The following TENM4 variants were observed in gnomAD, a reference collection of about 807,000 sequenced individuals.
The protein encoded by TENM4 is teneurin transmembrane protein 4, also known as teneurin-4.
Under a neutral mutation model 243.3 loss-of-function variants are expected in TENM4, and 82 were observed. That is an observed-to-expected ratio of 0.34 (90% CI 0.28 to 0.40). The LOEUF is 0.40. TENM4 is among the 10% of genes least tolerant of loss of function. The pLI is 1.00. For missense variants in TENM4, 3,138 were observed against 3,673.3 expected (o/e 0.85, Z 3.77); for synonymous variants, 1,412 against 1,456.3 (o/e 0.97, Z 0.69).
rs571718321 is a variant in TENM4, at chr11:79,049,440, AC to A, written c.493+15297del. On this transcript the variant is annotated intron_variant, in intron 6 of 33. Coordinates refer to ENST00000278550, the MANE Select transcript of TENM4 (RefSeq NM_001098816.3). ...TACAAGGCCGTCCTGAGAAGTATAC[AC>A]TAGGGGGATCTGCTAGGGCCGCTCA... Among the ~76,000 whole-genome samples, 175 of 152,328 alleles carry A rather than the reference AC, an allele frequency of 1.1e-3. 1 individual carries two copies. Among genetic ancestry groups the A allele is most frequent in the Non-Finnish European group, 1.2e-3 (84 of 68,044 alleles).
chr11:78,907,943 A>C (rs922545225), intron 6 of TENM4, among the ~76,000 whole-genome samples: 7 of 152,326 alleles, frequency 4.6e-5, no homozygotes, highest in Admixed American at 1.3e-4. Context: ...CTGCCAGTAA[A>C]GGTCACTTGC....
intron 4 of TENM4, among the ~76,000 whole-genome samples, chr11:79,082,328 T>C (rs1860696823): frequency 6.6e-6 from 1 of 152,138 alleles, no homozygotes; most frequent in Admixed American, 6.6e-5. Flanking sequence ...CCCAGGTTTG[T>C]GAAGGGGGCA....
At chr11:78,891,123 T>A in intron 8 of TENM4, 115 bp downstream of exon 8, 1 of 890,594 alleles carries the variant, frequency 1.1e-6, no homozygotes, top group South Asian at 1.6e-5. Context: ...GTGATGAGCA[T>A]GCCACATGGA....
At position 78,657,539 on chromosome 11, in the gene TENM4, A is replaced by T. The variant is rs1008436440; in HGVS notation, c.*519T>A. 3.1e-5 allele frequency: 8 copies of T among 260,570 alleles called. No homozygotes were observed. Among genetic ancestry groups the T allele is most frequent in the African/African-American group, 1.8e-4 (8 of 45,146 alleles). 16.1% of individuals were successfully genotyped at this position (260,570 alleles called of 1,614,324 possible). On this transcript the variant is annotated 3_prime_UTR_variant, in exon 34 of 34. Transcript: ENST00000278550. ...AAGAAATCCACCACTCTTCTGCAGG[A>T]GCCCTGCCAAGGAGCCTCAGGTCCT...
intron 6 of TENM4, among the ~76,000 whole-genome samples, chr11:78,926,271 C>T (rs1248501954): frequency 3.5e-5 from 5 of 143,020 alleles, no homozygotes; most frequent in East Asian, 2.0e-4. Flanking sequence ...GGGCAAAGAA[C>T]TGACTTTTTT....
intron 3 of TENM4, among the ~76,000 whole-genome samples, chr11:79,165,949 A>G (rs1451681175): frequency 6.6e-6 from 1 of 152,134 alleles, no homozygotes; most frequent in African/African-American, 2.4e-5. Context: ...ACTTGACTGT[A>G]AGTATTTGGC....
intron 6 of TENM4, among the ~76,000 whole-genome samples, chr11:78,985,104 G>A (rs1857888335): frequency 6.6e-6 from 1 of 152,168 alleles, no homozygotes; most frequent in East Asian, 1.9e-4. Context: ...TGCCTCACAA[G>A]GCTGTTTGTG....
intron 2 of TENM4, among the ~76,000 whole-genome samples, chr11:79,238,169 A>C (rs1250813878): frequency 6.6e-6 from 1 of 152,080 alleles, no homozygotes; most frequent in South Asian, 2.1e-4. Context: ...GTATTTCTCT[A>C]TTTACCTGTA....
At chr11:78,810,924 C>T (rs796511551) in intron 14 of TENM4, among the ~76,000 whole-genome samples, 1 of 152,282 alleles carries the variant, frequency 6.6e-6, no homozygotes, top group African/African-American at 2.4e-5. Flanking sequence ...CAGCATCATC[C>T]GTCAGTTTCA....
intron 14 of TENM4, among the ~76,000 whole-genome samples, chr11:78,811,682 T>C (rs903732057): frequency 1.3e-5 from 2 of 152,110 alleles, no homozygotes; most frequent in African/African-American, 2.4e-5. Flanking sequence ...AATGAGCAGA[T>C]GAGCCTAGAG....
At chr11:78,731,671 T>C (rs932922551) in intron 21 of TENM4, among the ~76,000 whole-genome samples, 3 of 152,196 alleles carry the variant, frequency 2.0e-5, no homozygotes, top group Non-Finnish European at 4.4e-5. Flanking sequence ...TAGGTGAAAA[T>C]ATCTATCTTG....
intron 9 of TENM4, among the ~76,000 whole-genome samples, chr11:78,875,074 AC>A (rs1459590946): frequency 6.6e-6 from 1 of 152,150 alleles, no homozygotes; most frequent in African/African-American, 2.4e-5. Context: ...GACATTCATA[AC>A]CTGGCCTCCT....
intron 6 of TENM4, among the ~76,000 whole-genome samples, chr11:78,982,425 T>G (rs1029728378): frequency 2.0e-5 from 3 of 152,134 alleles, no homozygotes; most frequent in Admixed American, 6.5e-5. Flanking sequence ...GGACTCACCC[T>G]GGGCTCCTGT....
At chr11:79,135,507 C>T (rs1374617989) in intron 4 of TENM4, among the ~76,000 whole-genome samples, 1 of 151,870 alleles carries the variant, frequency 6.6e-6, no homozygotes, top group African/African-American at 2.4e-5. Context: ...TGGGTATCTA[C>T]CCAGAGGAAA....
chr11:79,031,815 G>T (rs766928441), intron 6 of TENM4, among the ~76,000 whole-genome samples: 2 of 152,156 alleles, frequency 1.3e-5, no homozygotes, highest in African/African-American at 2.4e-5. Context: ...CTTAACATGA[G>T]CAATTTTGCT....
chr11:78,810,869 G>A (rs575680046), intron 14 of TENM4, among the ~76,000 whole-genome samples: 14 of 152,320 alleles, frequency 9.2e-5, no homozygotes, highest in Admixed American at 2.0e-4. Flanking sequence ...TGGGGAAGGT[G>A]CCAGGGTGCT....
intron 11 of TENM4, among the ~76,000 whole-genome samples, chr11:78,855,637 G>C (rs924234839): frequency 6.6e-6 from 1 of 152,196 alleles, no homozygotes; most frequent in Admixed American, 6.5e-5. Context: ...CTGATAACAA[G>C]AGGATTCAAA....
At chr11:78,986,572 G>T (rs1268746214) in intron 6 of TENM4, among the ~76,000 whole-genome samples, 1 of 152,124 alleles carries the variant, frequency 6.6e-6, no homozygotes, top group Non-Finnish European at 1.5e-5. Flanking sequence ...TTTTGTTGTT[G>T]TTTGTTTTTT....
At chr11:78,981,367 T>C (rs1167501027) in intron 6 of TENM4, among the ~76,000 whole-genome samples, 2 of 152,220 alleles carry the variant, frequency 1.3e-5, no homozygotes, top group East Asian at 1.9e-4. Flanking sequence ...GTGGGGGAAG[T>C]AGAGCTAATT....
Sources: allele counts gnomAD v4.1 joint callset (sites outside exome capture counted in the v4.1 genomes callset), GRCh38; gene constraint gnomAD v4.1.1; transcripts MANE v1.5; gene names NCBI Gene and HGNC (gene_info 2026-07-23, HGNC 2026-07-21).